FANCI: variants seen among roughly 807,000 people sequenced by gnomAD.
FANCI encodes the protein FA complementation group I, also known as Fanconi anemia group I protein.
FANCI carries 156 observed loss-of-function variants against 176.1 expected under a neutral mutation model. That is an observed-to-expected ratio of 0.89 (90% CI 0.78 to 1.01). FANCI has a LOEUF of 1.01. Among genes scored for constraint, FANCI ranks in the 50% least tolerant of loss-of-function variants. The pLI, the probability that FANCI is intolerant of heterozygous loss-of-function variation, is 0.00. For synonymous variants in FANCI, 613 were observed against 541.7 expected (o/e 1.13, Z -1.83); for missense variants, 1,678 against 1,534.1 (o/e 1.09, Z -1.57).
intron 12 of FANCI, among the ~76,000 whole-genome samples, chr15:89,275,058 C>T (rs1476153143): frequency 6.6e-6 from 1 of 151,342 alleles, no homozygotes; most frequent in Non-Finnish European, 1.5e-5. Context: ...AGGCATGTAG[C>T]CCTGTGCCTG....
chr15:89,284,836 T>A (rs2053754328), intron 17 of FANCI, among the ~76,000 whole-genome samples: 1 of 152,210 alleles, frequency 6.6e-6, no homozygotes, highest in African/African-American at 2.4e-5. Flanking sequence ...TGTACCTTCC[T>A]AAGCAATTGA....
At chr15:89,307,695 C>T (rs1465839016) in intron 34 of FANCI, 23 bp downstream of exon 34, 1 of 1,614,014 alleles carries the variant, frequency 6.2e-7, no homozygotes, top group Admixed American at 1.7e-5. Context: ...GAGGCAGTAC[C>T]CAATAGGTCT....
intron 18 of FANCI, among the ~76,000 whole-genome samples, chr15:89,288,855 G>A (rs1411211112): frequency 2.0e-5 from 3 of 151,628 alleles, no homozygotes; most frequent in East Asian, 1.9e-4. Context: ...GCCCAGGATG[G>A]TCTCAAATGC....
At chr15:89,300,202 T>G in intron 25 of FANCI, 98 bp from the exon 26 acceptor site, 1 of 1,254,192 alleles carries the variant, frequency 8.0e-7, no homozygotes, top group Non-Finnish European at 1.1e-6. Flanking sequence ...TAAGTCTGCC[T>G]TTAGACTTTT....
Position 89,258,862 on chromosome 15 carries a change from G to T in FANCI, c.157+86G>T, listed in dbSNP as rs983708192. On this transcript the variant is annotated intron_variant, in intron 3 of 37. Coordinates refer to ENST00000310775, the MANE Select transcript of FANCI (RefSeq NM_001113378.2). ...TTTCGTACTTTTCTTACGGTTTGAA[G>T]CCCCACTGGAACATTTTCCATGTTT... 4.0e-6 allele frequency: 4 copies of T among 993,502 alleles called. No homozygotes were observed. The African/African-American group carries it at 6.3e-5, about 16-fold the overall frequency. 61.5% of individuals were successfully genotyped at this position (993,502 alleles called of 1,614,324 possible).
At chr15:89,275,518 CTTGT>C (rs2053377155) in intron 12 of FANCI, among the ~76,000 whole-genome samples, 1 of 152,072 alleles carries the variant, frequency 6.6e-6, no homozygotes, top group Non-Finnish European at 1.5e-5. Flanking sequence ...GCCTGGAATT[CTTGT>C]TTATTAATAG....
At chr15:89,310,935 C>T (rs888412631) in intron 34 of FANCI, among the ~76,000 whole-genome samples, 3 of 151,918 alleles carry the variant, frequency 2.0e-5, no homozygotes, top group East Asian at 3.9e-4. Flanking sequence ...CCAGCCTGGC[C>T]AACATGGTGA....
chr15:89,292,173 A>G (rs1217821056), intron 20 of FANCI, among the ~76,000 whole-genome samples: 3 of 152,198 alleles, frequency 2.0e-5, no homozygotes, highest in Non-Finnish European at 4.4e-5. Flanking sequence ...AGGACAGCGA[A>G]GAGGATAAAA....
At position 89,259,483 on chromosome 15, in the gene FANCI, A is replaced by G. The variant is rs527910012; in HGVS notation, c.157+707A>G. ...TTTATAGAAATATCAGAGAAAAGGA[A>G]ATAATTAAAGATCAATAGCAACTGC... On this transcript the variant is annotated intron_variant, in intron 3 of 37. Coordinates refer to ENST00000310775, the MANE Select transcript of FANCI (RefSeq NM_001113378.2). 2.0e-5 allele frequency: 3 copies of G among 152,652 alleles called. No individual in the cohort carries two copies. The East Asian group carries it at 5.8e-4, about 29-fold the overall frequency. 9.5% of individuals were successfully genotyped at this position (152,652 alleles called of 1,614,324 possible).
At position 89,317,064 on chromosome 15, in the gene FANCI, C is replaced by G; in HGVS notation, c.*605C>G. On this transcript the variant is annotated 3_prime_UTR_variant, in exon 38 of 38. Transcript: ENST00000310775. ...ATTTACTTGTTTGGTATTTAAAGCA[C>G]AGTTTGTTTTTCTGTCACCTATAGA... 2 of 590,312 alleles carry G rather than the reference C, an allele frequency of 3.4e-6. No homozygotes were observed. The highest frequency in any genetic ancestry group is 4.1e-5 in the South Asian group (2 of 48,876). The allele number at this position is 590,312 out of a possible 1,614,324, so 36.6% of individuals were successfully genotyped here.
At position 89,294,012 on chromosome 15, in the gene FANCI, G is replaced by C. The variant is rs2054162294; in HGVS notation, c.2456+15G>C. The C allele has an allele frequency of 3.1e-6, 5 of 1,613,916 alleles. No homozygotes were observed. Among genetic ancestry groups the C allele is most frequent in the African/African-American group, 1.3e-5 (1 of 74,928 alleles). On this transcript the variant is annotated intron_variant, in intron 23 of 37. Transcript: ENST00000310775. ...GCTCTTTTCAGGTAAGGTTCTGCTAGAGTGCTTAAAGACAGCCACTCCCTG... is the reference window on the plus strand; with the variant it reads ...GCTCTTTTCAGGTAAGGTTCTGCTACAGTGCTTAAAGACAGCCACTCCCTG...
At chr15:89,280,805 G>A (rs1333297104) in intron 14 of FANCI, among the ~76,000 whole-genome samples, 1 of 152,040 alleles carries the variant, frequency 6.6e-6, no homozygotes, top group Non-Finnish European at 1.5e-5. Context: ...ATACTTTTAT[G>A]TTCCTAATAG....
intron 24 of FANCI, among the ~76,000 whole-genome samples, chr15:89,298,099 C>G (rs904480643): frequency 6.6e-6 from 1 of 151,706 alleles, no homozygotes; most frequent in Non-Finnish European, 1.5e-5. Flanking sequence ...AAAAAAAAAC[C>G]AGTAGATAGA....
Position 89,299,809 on chromosome 15 carries a change from A to C in FANCI, c.2646A>C (p.Leu882=), listed in dbSNP as rs199627578. ...CTTTCTCCTGCTTCAGAGTCTTGCT[A>C]TGGAGATACACTTCAATTCCTACTT... ...QNLCDITRVL[L]WRYTSIPTSV... The change falls in exon 25 of 38, where the codon CTA becomes CTC. Residue 882 remains leucine (L), a synonymous_variant. Coordinates refer to ENST00000310775, the MANE Select transcript of FANCI (RefSeq NM_001113378.2). 1 of 1,613,446 alleles carries C rather than the reference A, an allele frequency of 6.2e-7. No individual in the cohort carries two copies. Among genetic ancestry groups the C allele is most frequent in the South Asian group, 1.1e-5 (1 of 91,024 alleles).
intron 2 of FANCI, among the ~76,000 whole-genome samples, chr15:89,250,968 AAAGAT>A (rs1596215440): frequency 6.6e-6 from 1 of 152,092 alleles, no homozygotes; most frequent in Admixed American, 6.5e-5. Context: ...AGAAACTACT[AAAGAT>A]AAAAGTGGAA....
intron 3 of FANCI, among the ~76,000 whole-genome samples, chr15:89,259,553 A>G (rs2052631124): frequency 6.6e-6 from 1 of 152,212 alleles, no homozygotes. Flanking sequence ...TATGGCTTTT[A>G]GTATATTCAG....
At chr15:89,311,659 AT>A (rs2054968255) in intron 34 of FANCI, among the ~76,000 whole-genome samples, 1 of 152,098 alleles carries the variant, frequency 6.6e-6, no homozygotes, top group Non-Finnish European at 1.5e-5. Context: ...CCAAAAACAG[AT>A]TACTGCATAC....
In FANCI at chr15:89,307,491, C is replaced by G; in HGVS notation, c.3553C>G (p.Gln1185Glu). 1 of 1,614,102 alleles carries G rather than the reference C, an allele frequency of 6.2e-7. No homozygotes were observed. Among genetic ancestry groups the G allele is most frequent in the Non-Finnish European group, 8.5e-7 (1 of 1,180,010 alleles). ...ALVRYYLQVC[Q>E]SSGGIPKNME... ...TTTTTATTAGTATCTCCAGGTGTGT[C>G]AGAGCTCCGGAGGAATTCCAAAAAA... Residue 1185 changes from glutamine to glutamate, a missense_variant, in exon 33 of 38, where the codon CAG (glutamine) becomes GAG (glutamate). Coordinates refer to ENST00000310775, the MANE Select transcript of FANCI (RefSeq NM_001113378.2).
At chr15:89,291,785 A>G in intron 20 of FANCI, 71 bp downstream of exon 20, 2 of 1,199,030 alleles carry the variant, frequency 1.7e-6, no homozygotes. Context: ...GCAAAGAGAT[A>G]CCTTTCCCTG....
Sources: allele counts gnomAD v4.1 joint callset (sites outside exome capture counted in the v4.1 genomes callset), GRCh38; gene constraint gnomAD v4.1.1; transcripts MANE v1.5; gene names NCBI Gene and HGNC (gene_info 2026-07-23, HGNC 2026-07-21).